Variants in GRPEL1 observed in about 807,000 individuals in gnomAD.
The protein encoded by GRPEL1 is GrpE like 1, mitochondrial, also known as grpE protein homolog 1, mitochondrial.
A neutral mutation model predicts 22.1 loss-of-function variants in GRPEL1; 13 were observed. That is an observed-to-expected ratio of 0.59 (90% CI 0.38 to 0.94). The LOEUF (loss-of-function observed/expected upper bound fraction) is 0.94. Among genes scored for constraint, GRPEL1 ranks in the 40% least tolerant of loss-of-function variants. GRPEL1 has a pLI of 0.00. For synonymous variants in GRPEL1, 109 were observed against 105.3 expected (o/e 1.03, Z -0.21); for missense variants, 289 against 264.6 (o/e 1.09, Z -0.64).
In GRPEL1 at chr4:7,062,485, G is replaced by GAGATTTAT. The variant is rs60458218; in HGVS notation, c.226-20_226-19insATAAATCT. The stretch of plus-strand genomic sequence containing the variant: ...ATTTTTCCTAAAAGAGAAAAAAAGG[G>GAGATTTAT]ATATTTATATATATATATATATATA... On this transcript the variant is annotated intron_variant, in intron 2 of 3. Transcript: ENST00000264954. 3,414 of 378,252 alleles carry GAGATTTAT rather than the reference G, an allele frequency of 9.0e-3. 21 individuals carry two copies. Among genetic ancestry groups the GAGATTTAT allele is most frequent in the African/African-American group, 0.018 (366 of 20,372 alleles). The allele number at this position is 378,252 out of a possible 1,614,324, so 23.4% of individuals were successfully genotyped here. A position where few individuals can be genotyped will look rare whatever the true frequency, so the allele number is the denominator to read the frequency against.
At position 7,058,925 on chromosome 4, in the gene GRPEL1, ATG is replaced by A. The variant is rs1342819315; in HGVS notation, c.*1935_*1936del. The A allele has an allele frequency of 6.6e-6, 1 of 152,204 alleles. No individual in the cohort carries two copies. The highest frequency in any genetic ancestry group is 1.5e-5 in the Non-Finnish European group (1 of 68,028). The allele number at this position is 152,204 out of a possible 1,614,324, so 9.4% of individuals were successfully genotyped here. A position where few individuals can be genotyped will look rare whatever the true frequency, so the allele number is the denominator to read the frequency against. ...ACACAGTTTGCACTGTACCTTTACT[ATG>A]TTATGTTCAGATACACAGATACCAT... On this transcript the variant is annotated 3_prime_UTR_variant, in exon 4 of 4. Transcript: ENST00000264954.
At chr4:7,065,341 C>T (rs890313537) in intron 1 of GRPEL1, among the ~76,000 whole-genome samples, 31 of 151,992 alleles carry the variant, frequency 2.0e-4, no homozygotes, top group African/African-American at 7.3e-4. Flanking sequence ...ATGGAGAAAC[C>T]CCGTCTCTTC....
intron 2 of GRPEL1, among the ~76,000 whole-genome samples, chr4:7,063,140 G>A (rs1295722618): frequency 6.6e-6 from 1 of 151,150 alleles, no homozygotes; most frequent in Non-Finnish European, 1.5e-5. Context: ...TATCATCCAG[G>A]TTGAAGTGGT....
intron 1 of GRPEL1, chr4:7,064,463 TA>T (rs748118561): frequency 1.8e-5 from 6 of 326,510 alleles, no homozygotes; most frequent in East Asian, 5.7e-5. Context: ...AACATATATA[TA>T]TTTTTTTAGA....
intron 3 of GRPEL1, 139 bp from the exon 4 acceptor site, chr4:7,061,347 A>G: frequency 3.1e-6 from 2 of 645,912 alleles, no homozygotes; most frequent in South Asian, 4.1e-5. Flanking sequence ...TGGCTCAATA[A>G]CTTTAAAAAA....
Position 7,067,975 on chromosome 4 carries a change from G to A in GRPEL1, c.58C>T (p.Leu20Phe). 3 of 1,613,550 alleles carry A rather than the reference G, an allele frequency of 1.9e-6. No homozygotes were observed. The highest frequency in any genetic ancestry group is 1.1e-5 in the South Asian group (1 of 91,066). ...GGGAGACCAAGTGCCCCTTACCTGA[G>A]AGACAACGCCAAAGCAGGAAGACTG... Reference protein sequence around the residue: ...RRSLPALALSLRPSPRLLCTA... With the variant: ...RRSLPALALSFRPSPRLLCTA... The change falls in exon 1 of 4, where the codon CTC (leucine) becomes TTC (phenylalanine). Residue 20 changes from leucine (L) to phenylalanine (F), a missense_variant. By Grantham distance (22) the Leu-to-Phe change is conservative (BLOSUM62 0). Coordinates refer to ENST00000264954, the MANE Select transcript of GRPEL1 (RefSeq NM_025196.4).
rs1386584402 is a variant in GRPEL1 at position 7,060,604 on chromosome 4, G to A, written c.*258C>T. ...GCAGACACGTTACTCATGATGCTCG[G>A]GAGACCAGGCAGGGCCCTGCTGAGC... is the stretch of plus-strand genomic sequence containing the variant. On this transcript the variant is annotated 3_prime_UTR_variant, in exon 4 of 4. Transcript: ENST00000264954. The A allele has an allele frequency of 8.0e-6, 4 of 502,496 alleles. No homozygotes were observed. The highest frequency in any genetic ancestry group is 1.4e-5 in the Non-Finnish European group (4 of 283,552). The allele number at this position is 502,496 out of a possible 1,614,324, so 31.1% of individuals were successfully genotyped here.
Position 7,060,522 on chromosome 4 carries a change from C to T in GRPEL1, c.*340G>A. 3.9e-6 allele frequency: 1 copy of T among 256,592 alleles called. No homozygotes were observed. Among genetic ancestry groups the T allele is most frequent in the Non-Finnish European group, 7.5e-6 (1 of 133,350 alleles). 15.9% of individuals were successfully genotyped at this position (256,592 alleles called of 1,614,324 possible). ...AGACTGGCGTGCCCAGGTAGCCAAA[C>T]AGAATTCCCCAAGACCTTTTATTTG... On this transcript the variant is annotated 3_prime_UTR_variant, in exon 4 of 4. Transcript: ENST00000264954.
chr4:7,061,460 A>C, intron 3 of GRPEL1: 1 of 429,196 alleles, frequency 2.3e-6, no homozygotes, highest in Non-Finnish European at 4.2e-6. Context: ...AGGGGAAAAT[A>C]CCCTTGAGAC....
intron 1 of GRPEL1, among the ~76,000 whole-genome samples, chr4:7,067,702 C>A (rs1468242529): frequency 1.3e-5 from 2 of 152,258 alleles, no homozygotes; most frequent in Non-Finnish European, 2.9e-5. Flanking sequence ...GGCCACCGTA[C>A]CTTCCGAGCC....
In GRPEL1 at chr4:7,063,978, C is replaced by T; in HGVS notation, c.225+83G>A. On this transcript the variant is annotated intron_variant, in intron 2 of 3. Transcript: ENST00000264954. ...CTTAACTCTGGCTTTAGTCTGTCACCAATGAAACCTGGAACCTTTATGTGG... is the reference window on the plus strand; with the variant it reads ...CTTAACTCTGGCTTTAGTCTGTCACTAATGAAACCTGGAACCTTTATGTGG... The T allele has an allele frequency of 2.1e-6, 3 of 1,453,090 alleles. No homozygotes were observed. The South Asian group carries it at 4.1e-5, about 20-fold the overall frequency. 90.0% of individuals were successfully genotyped at this position (1,453,090 alleles called of 1,614,324 possible).
rs149378673 is a variant in GRPEL1 at position 7,065,661 on chromosome 4, A to G, written c.63-1438T>C. Among the ~76,000 whole-genome samples, 1,471 of 152,318 alleles carry G rather than the reference A, an allele frequency of 9.7e-3. 11 individuals are homozygous for G. Among genetic ancestry groups the G allele is most frequent in the Middle Eastern group, 0.037 (11 of 294 alleles). ...AGGTAAGAGTTACGAAAAAGGGATC[A>G]GAGGTGGGACAATGGGATAGATGCA... On this transcript the variant is annotated intron_variant, in intron 1 of 3. Coordinates refer to ENST00000264954, the MANE Select transcript of GRPEL1 (RefSeq NM_025196.4).
chr4:7,060,562 G>GT lies in GRPEL1; in HGVS notation c.*299dup. ...CCTTTTATTTGTTTAAAATACTTTG[G>GT]TGTCAGCAGAGTCTGAGCAGACACG... On this transcript the variant is annotated 3_prime_UTR_variant, in exon 4 of 4. Transcript: ENST00000264954. 1 of 384,924 alleles carries GT rather than the reference G, an allele frequency of 2.6e-6. No homozygotes were observed. The highest frequency in any genetic ancestry group is 4.5e-5 in the South Asian group (1 of 22,106). The allele number at this position is 384,924 out of a possible 1,614,324, so 23.8% of individuals were successfully genotyped here. A position where few individuals can be genotyped will look rare whatever the true frequency, so the allele number is the denominator to read the frequency against.
At chr4:7,067,822 G>A (rs570199014) in intron 1 of GRPEL1, 149 bp downstream of exon 1, 3 of 793,350 alleles carry the variant, frequency 3.8e-6, no homozygotes, top group South Asian at 3.4e-5. Context: ...CAGCGGGGCG[G>A]TCCGCGTCCC....
In GRPEL1 at chr4:7,064,062, A is replaced by G; in HGVS notation, c.224T>C (p.Val75Ala). ...VKLEEQLKETVEKYKRALADT... is the reference protein window; with the variant it reads ...VKLEEQLKETAEKYKRALADT... ...CCACAGGAGCCTCACAGTCCTCACCACAGTCTCCTTCAGCTGTTCCTCCAA... is the reference window on the plus strand; with the variant it reads ...CCACAGGAGCCTCACAGTCCTCACCGCAGTCTCCTTCAGCTGTTCCTCCAA... The change falls in exon 2 of 4, where the codon GTG (valine) becomes GCG (alanine). Residue 75 changes from valine to alanine, a missense_variant and splice_region_variant. Coordinates refer to ENST00000264954, the MANE Select transcript of GRPEL1 (RefSeq NM_025196.4). 1 of 1,613,916 alleles carries G rather than the reference A, an allele frequency of 6.2e-7. No homozygotes were observed. Among genetic ancestry groups the G allele is most frequent in the Non-Finnish European group, 8.5e-7 (1 of 1,179,870 alleles).
In GRPEL1 at chr4:7,060,227, A is replaced by G. The variant is rs1560398948; in HGVS notation, c.*635T>C. The G allele has an allele frequency of 6.6e-6, 1 of 152,376 alleles. No homozygotes were observed. The highest frequency in any genetic ancestry group is 1.5e-5 in the Non-Finnish European group (1 of 68,152). 9.4% of individuals were successfully genotyped at this position (152,376 alleles called of 1,614,324 possible). On this transcript the variant is annotated 3_prime_UTR_variant, in exon 4 of 4. Transcript: ENST00000264954. ...ATATGATTTAAATATGTCTGCATTT[A>G]GATGAACAGAACAGGGTAAAAGGAA...
intron 1 of GRPEL1, among the ~76,000 whole-genome samples, chr4:7,064,773 A>G (rs142001465): frequency 1.2e-3 from 180 of 152,294 alleles, no homozygotes; most frequent in African/African-American, 3.9e-3. Context: ...TGCTAGGATT[A>G]CAGGCGTGAG....
Position 7,064,058 on chromosome 4 carries a change from C to T in GRPEL1, c.225+3G>A. On this transcript the variant is annotated splice_donor_region_variant and intron_variant, in intron 2 of 3. Transcript: ENST00000264954. The stretch of plus-strand genomic sequence containing the variant: ...GCCCCCACAGGAGCCTCACAGTCCT[C>T]ACCACAGTCTCCTTCAGCTGTTCCT... 6.2e-7 allele frequency: 1 copy of T among 1,613,684 alleles called. No homozygotes were observed. The highest frequency in any genetic ancestry group is 8.5e-7 in the Non-Finnish European group (1 of 1,179,730).
chr4:7,067,897 G>C (rs1724213922), intron 1 of GRPEL1, 74 bp downstream of exon 1: 14 of 1,499,798 alleles, frequency 9.3e-6, no homozygotes, highest in Middle Eastern at 2.3e-4. Context: ...GGAGGCCCCG[G>C]GGCCGGGAAA....
Sources: gnomAD v4.1 joint callset for allele counts (sites outside exome capture counted in the v4.1 genomes callset) on GRCh38, gnomAD v4.1.1 for gene constraint, MANE v1.5 for transcripts, NCBI Gene and HGNC (gene_info 2026-07-23, HGNC 2026-07-21) for gene names.